CENPN: variants seen among roughly 807,000 people sequenced by gnomAD.
CENPN encodes the protein interphase centromere complex protein 32.
In CENPN, 36 loss-of-function variants were observed where a neutral mutation model predicts 48.6. The ratio of observed to expected loss-of-function variants is 0.74; its 90% CI spans 0.57 to 0.98. The LOEUF is 0.98. Ranked by LOEUF, CENPN falls within the 50% of genes least tolerant of loss-of-function variation. The pLI is 0.00. For missense variants in CENPN, 439 were observed against 399.2 expected (o/e 1.10, Z -0.85); for synonymous variants, 166 against 135.2 (o/e 1.23, Z -1.58).
At chr16:81,012,699 G>A (rs374857883) in intron 2 of CENPN, among the ~76,000 whole-genome samples, 6 of 152,158 alleles carry the variant, frequency 3.9e-5, no homozygotes, top group African/African-American at 7.2e-5. Flanking sequence ...AGGTTCTAGC[G>A]ATTCTAGTGC....
At position 81,029,620 on chromosome 16, in the gene CENPN, G is replaced by C. The variant is rs1469473659; in HGVS notation, c.*969G>C. 6.6e-6 allele frequency among the ~76,000 whole-genome samples: 1 copy of C among 151,958 alleles called. No individual in the cohort carries two copies. Among genetic ancestry groups the C allele is most frequent in the Non-Finnish European group, 1.5e-5 (1 of 67,994 alleles). Reference sequence around the variant, plus strand: ...GAGACAAGTCTCCTTCTATCGCCCAGGCTGGAGTGCAATGGCACAATCTTG... The same window carrying C: ...GAGACAAGTCTCCTTCTATCGCCCACGCTGGAGTGCAATGGCACAATCTTG... On this transcript the variant is annotated 3_prime_UTR_variant, in exon 11 of 11. Coordinates refer to ENST00000305850, the MANE Select transcript of CENPN (RefSeq NM_001100624.3).
Position 81,014,181 on chromosome 16 carries a change from TGTAA to T in CENPN, c.217+3_217+6del, listed in dbSNP as rs1192958572. 3 of 1,612,278 alleles carry T rather than the reference TGTAA, an allele frequency of 1.9e-6. No individual in the cohort carries two copies. The highest frequency in any genetic ancestry group is 2.5e-6 in the Non-Finnish European group (3 of 1,178,574). ...TGATGCTGCCCTGTTAGACATCATT[TGTAA>T]GTGTCAGTGATTTGTATTTATACTT... On this transcript the variant is annotated splice_donor_variant and splice_donor_region_variant and intron_variant, in intron 3 of 10. Transcript: ENST00000305850. LOFTEE classifies it high-confidence loss of function.
intron 5 of CENPN, among the ~76,000 whole-genome samples, chr16:81,018,278 A>G (rs1039747669): frequency 6.6e-5 from 10 of 151,820 alleles, no homozygotes; most frequent in African/African-American, 2.2e-4. Flanking sequence ...GGTTCAAGCA[A>G]TTCTTCTGCC....
chr16:81,026,448 G>A, intron 8 of CENPN, 78 bp from the exon 9 acceptor site: 1 of 634,442 alleles, frequency 1.6e-6, no homozygotes, highest in Non-Finnish European at 2.8e-6. Context: ...AATTCGAAGG[G>A]TTAGGAATGA....
At chr16:81,022,288 A>G (rs942123298) in intron 6 of CENPN, 3 of 300,158 alleles carry the variant, frequency 1.0e-5, no homozygotes, top group Non-Finnish European at 1.9e-5. Context: ...CTGATATTCA[A>G]AAACAGTAAC....
chr16:81,014,492 G>A (rs1969861599), intron 3 of CENPN: 5 of 307,164 alleles, frequency 1.6e-5, no homozygotes, highest in Admixed American at 4.5e-5. Flanking sequence ...CAAAGTGCTG[G>A]GATTATAGGT....
At chr16:81,017,444 A>G (rs1969978471) in intron 4 of CENPN, 59 bp downstream of exon 4, 1 of 1,192,424 alleles carries the variant, frequency 8.4e-7, no homozygotes, top group African/African-American at 1.5e-5. Flanking sequence ...CAGGAAGCAG[A>G]GGTTACAGCG....
chr16:81,028,705 T>A lies in CENPN; in HGVS notation c.*54T>A, dbSNP rs1158891369. On this transcript the variant is annotated 3_prime_UTR_variant, in exon 11 of 11. Coordinates refer to ENST00000305850, the MANE Select transcript of CENPN (RefSeq NM_001100624.3). ...CTCCTTCTTGATATTGCACATGCACTTCAGTTCATGGCTAGCTGTATAGCT... is the reference window on the plus strand; with the variant it reads ...CTCCTTCTTGATATTGCACATGCACATCAGTTCATGGCTAGCTGTATAGCT... 8 of 1,581,630 alleles carry A rather than the reference T, an allele frequency of 5.1e-6. No individual in the cohort carries two copies. The highest frequency in any genetic ancestry group is 6.8e-6 in the Non-Finnish European group (8 of 1,169,580).
At chr16:81,013,007 G>C (rs958710036) in intron 2 of CENPN, among the ~76,000 whole-genome samples, 7 of 152,172 alleles carry the variant, frequency 4.6e-5, no homozygotes, top group Non-Finnish European at 2.9e-5. Context: ...TAAATATTTA[G>C]TTATATAAAT....
At chr16:81,014,558 G>C (rs1037170241) in intron 3 of CENPN, among the ~76,000 whole-genome samples, 5 of 152,092 alleles carry the variant, frequency 3.3e-5, no homozygotes, top group Non-Finnish European at 7.4e-5. Context: ...TCAGAGTCTA[G>C]AGTTCAGGAG....
At chr16:81,032,920 G>C, downstream of CENPN, 3 of 386,082 alleles carry the variant, frequency 7.8e-6, no homozygotes, top group East Asian at 8.8e-5. Context: ...AAGGGGAACA[G>C]ATAACTAATC....
intron 3 of CENPN, among the ~76,000 whole-genome samples, chr16:81,016,459 G>C (rs1417183429): frequency 6.6e-6 from 1 of 152,120 alleles, no homozygotes; most frequent in Non-Finnish European, 1.5e-5. Flanking sequence ...GTGTACAAAT[G>C]AACATCTAAA....
intron 5 of CENPN, among the ~76,000 whole-genome samples, chr16:81,019,428 G>T: frequency 6.6e-6 from 1 of 151,100 alleles, no homozygotes. Flanking sequence ...TGTTGTCCAG[G>T]TTGGTCTCAA....
rs1466666558 is a variant in CENPN at position 81,012,819 on chromosome 16, T to C, written c.171+709T>C. ...CATGTTGGCCAGGTTGGTGTCAAACTCCTGACCTCAGGTGATCTGCTCACT... is the reference window on the plus strand; with the variant it reads ...CATGTTGGCCAGGTTGGTGTCAAACCCCTGACCTCAGGTGATCTGCTCACT... On this transcript the variant is annotated intron_variant, in intron 2 of 10. Transcript: ENST00000305850. Among the ~76,000 whole-genome samples, 3 of 152,194 alleles carry C rather than the reference T, an allele frequency of 2.0e-5. No homozygotes were observed. The East Asian group carries it at 5.8e-4, about 29-fold the overall frequency.
chr16:81,013,538 T>C (rs1180874237), intron 2 of CENPN, among the ~76,000 whole-genome samples: 6 of 152,182 alleles, frequency 3.9e-5, no homozygotes, highest in Admixed American at 3.9e-4. Context: ...CTGGCCAACA[T>C]GGTGAAACCC....
At chr16:81,017,466 C>A in intron 4 of CENPN, 81 bp downstream of exon 4, 1 of 911,480 alleles carries the variant, frequency 1.1e-6, no homozygotes, top group Non-Finnish European at 1.8e-6. Flanking sequence ...GCTGAGATTG[C>A]ACCACTGCAC....
At chr16:81,007,408 T>G (rs1187947514) in intron 1 of CENPN, 131 bp downstream of exon 1, 2 of 152,154 alleles carry the variant, frequency 1.3e-5, no homozygotes, top group African/African-American at 4.8e-5. Context: ...TGGCGCTGGG[T>G]CTCGGGCTCG....
chr16:81,022,605 A>G lies in CENPN; in HGVS notation c.540A>G (p.Thr180=). ...CAAATTTTCATTTCAAGGCGCTGACAATTGCTAGCAAACACCATCAGATTG... is the reference window on the plus strand; with the variant it reads ...CAAATTTTCATTTCAAGGCGCTGACGATTGCTAGCAAACACCATCAGATTG... The part of the protein sequence containing the change: ...RNTPLLGQAL[T]IASKHHQIVK... The change falls in exon 7 of 11, where the codon ACA becomes ACG. Residue 180 remains threonine (T), a synonymous_variant. Transcript: ENST00000305850. The G allele has an allele frequency of 6.2e-7, 1 of 1,614,024 alleles. No individual in the cohort carries two copies. Among genetic ancestry groups the G allele is most frequent in the Admixed American group, 1.7e-5 (1 of 60,016 alleles).
Position 81,030,263 on chromosome 16 carries a change from T to C in CENPN, c.*1612T>C. 2.0e-6 allele frequency: 2 copies of C among 985,466 alleles called. No individual in the cohort carries two copies. Among genetic ancestry groups the C allele is most frequent in the South Asian group, 9.4e-5 (2 of 21,288 alleles). 61.0% of individuals were successfully genotyped at this position (985,466 alleles called of 1,614,324 possible). The stretch of plus-strand genomic sequence containing the variant: ...TGTCTTTTTTAAACATTTTAAAATC[T>C]ATTCTTTATCTTGTTTCAGAGAGGA... On this transcript the variant is annotated 3_prime_UTR_variant, in exon 11 of 11. Transcript: ENST00000305850.
Sources: gnomAD v4.1 joint callset for allele counts (sites outside exome capture counted in the v4.1 genomes callset) on GRCh38, gnomAD v4.1.1 for gene constraint, MANE v1.5 for transcripts, NCBI Gene and HGNC (gene_info 2026-07-23, HGNC 2026-07-21) for gene names.